The following KCNJ6 variants were observed in gnomAD, a reference collection of about 807,000 sequenced individuals.
The protein encoded by KCNJ6 is G protein-activated inward rectifier potassium channel 2.
In KCNJ6, 9 loss-of-function variants were observed where a neutral mutation model predicts 34.2. The observed-to-expected ratio is 0.26, with a 90% CI of 0.16 to 0.46. The LOEUF (loss-of-function observed/expected upper bound fraction) is 0.46. Ranked by LOEUF, KCNJ6 falls within the 20% of genes least tolerant of loss-of-function variation. The pLI is 1.00. For missense variants in KCNJ6, 236 were observed against 531.3 expected (o/e 0.44, Z 5.46); for synonymous variants, 196 against 207.1 (o/e 0.95, Z 0.46).
intron 1 of KCNJ6, among the ~76,000 whole-genome samples, chr21:37,843,070 C>T (rs554789428): frequency 1.3e-5 from 2 of 152,224 alleles, no homozygotes; most frequent in East Asian, 1.9e-4. Context: ...TGAGAACCCC[C>T]CAACGCCAAA....
At chr21:37,701,198 T>G (rs1029247236) in intron 3 of KCNJ6, among the ~76,000 whole-genome samples, 5 of 151,924 alleles carry the variant, frequency 3.3e-5, no homozygotes, top group African/African-American at 9.7e-5. Flanking sequence ...AGGAAGAGAT[T>G]GCCTGGGAAA....
chr21:37,840,518 A>G (rs1375338603), intron 2 of KCNJ6, 140 bp downstream of exon 2: 1 of 606,602 alleles, frequency 1.6e-6, no homozygotes, highest in African/African-American at 1.9e-5. Flanking sequence ...AACATGATGC[A>G]GTGTGTGTGA....
In KCNJ6 at chr21:37,867,585, C is replaced by A. The variant is rs2055629386; in HGVS notation, c.-27-26876G>T. Among the ~76,000 whole-genome samples the A allele has an allele frequency of 3.9e-5, 6 of 152,230 alleles. No homozygotes were observed. In the South Asian group the frequency reaches 1.2e-3, roughly 32 times the overall value. On this transcript the variant is annotated intron_variant, in intron 1 of 3. Coordinates refer to ENST00000609713, the MANE Select transcript of KCNJ6 (RefSeq NM_002240.5). ...TTACGTATTTGTACTTTATATCCTA[C>A]CTGCTTCCAAAAACAACAATTGAAA...
At chr21:37,876,323 T>G (rs1395765791) in intron 1 of KCNJ6, among the ~76,000 whole-genome samples, 3 of 152,170 alleles carry the variant, frequency 2.0e-5, no homozygotes, top group African/African-American at 7.2e-5. Context: ...TTAAGTAACT[T>G]GCCAAAAGTC....
At chr21:37,914,037 G>C (rs904700330) in intron 1 of KCNJ6, among the ~76,000 whole-genome samples, 1 of 151,326 alleles carries the variant, frequency 6.6e-6, no homozygotes, top group African/African-American at 2.4e-5. Flanking sequence ...GTGTGTGTGT[G>C]TGTGTGTGTG....
chr21:37,827,032 A>G (rs2055402402), intron 2 of KCNJ6, among the ~76,000 whole-genome samples: 1 of 152,210 alleles, frequency 6.6e-6, no homozygotes, highest in Non-Finnish European at 1.5e-5. Flanking sequence ...ATTATTGAAG[A>G]GTCAGGGCAC....
At chr21:37,732,072 A>G (rs1178700871) in intron 2 of KCNJ6, among the ~76,000 whole-genome samples, 1 of 152,222 alleles carries the variant, frequency 6.6e-6, no homozygotes, top group East Asian at 1.9e-4. Context: ...AACAAGCATG[A>G]CACCTAGTTT....
Position 37,766,635 on chromosome 21 carries a change from C to T in KCNJ6, c.26-51504G>A, listed in dbSNP as rs557724571. On this transcript the variant is annotated intron_variant, in intron 2 of 3. Coordinates refer to ENST00000609713, the MANE Select transcript of KCNJ6 (RefSeq NM_002240.5). ...CATGGTGGTGATTGGCTAAGGGTTC[C>T]AAAGGAAGGGAATGGATGGACTTTA... 5.8e-4 allele frequency among the ~76,000 whole-genome samples: 88 copies of T among 152,238 alleles called. 2 individuals are homozygous for T. The highest frequency in any genetic ancestry group is 8.5e-4 in the Admixed American group (13 of 15,300).
At position 37,616,601 on chromosome 21, in the gene KCNJ6, A is replaced by T. The variant is rs200122014; in HGVS notation, c.*8558T>A. 0.43 allele frequency: 51,268 copies of T among 119,100 alleles called. 15,369 individuals carry two copies. The highest frequency in any genetic ancestry group is 0.49 in the South Asian group (1,736 of 3,550). 7.4% of individuals were successfully genotyped at this position (119,100 alleles called of 1,614,324 possible). On this transcript the variant is annotated 3_prime_UTR_variant, in exon 4 of 4. Transcript: ENST00000609713. ...AGGAACAAAATGTACATATATATAT[A>T]TATATATATATATATGGTTAGACTC...
chr21:37,719,749 T>C (rs2054814457), intron 2 of KCNJ6, among the ~76,000 whole-genome samples: 1 of 152,186 alleles, frequency 6.6e-6, no homozygotes, highest in East Asian at 1.9e-4. Flanking sequence ...TAGCCTCATG[T>C]TGAAATTTAA....
intron 1 of KCNJ6, among the ~76,000 whole-genome samples, chr21:37,872,959 G>C (rs577618373): frequency 6.6e-6 from 1 of 152,138 alleles, no homozygotes; most frequent in African/African-American, 2.4e-5. Flanking sequence ...CACCATGATT[G>C]TAAGTTTCCT....
chr21:37,769,094 CA>C (rs1435905159), intron 2 of KCNJ6, among the ~76,000 whole-genome samples: 1 of 152,214 alleles, frequency 6.6e-6, no homozygotes, highest in Non-Finnish European at 1.5e-5. Context: ...TTCAGCTCTT[CA>C]GATGCTGCGC....
chr21:37,860,619 C>G (rs1214220193), intron 1 of KCNJ6, among the ~76,000 whole-genome samples: 2 of 152,206 alleles, frequency 1.3e-5, no homozygotes, highest in East Asian at 1.9e-4. Flanking sequence ...CATTTCCCAG[C>G]CTTCTCCCCA....
At chr21:37,660,801 CTTAA>C (rs2054484784) in intron 3 of KCNJ6, among the ~76,000 whole-genome samples, 1 of 152,234 alleles carries the variant, frequency 6.6e-6, no homozygotes, top group African/African-American at 2.4e-5. Context: ...CCCGTTTGGC[CTTAA>C]TTGACACCGC....
intron 1 of KCNJ6, among the ~76,000 whole-genome samples, chr21:37,847,972 G>T (rs1372375186): frequency 3.3e-5 from 5 of 152,196 alleles, no homozygotes; most frequent in Admixed American, 6.5e-5. Context: ...ATGAGGAAAG[G>T]TGGGGAAGCT....
At chr21:37,656,841 C>T (rs934227452) in intron 3 of KCNJ6, among the ~76,000 whole-genome samples, 1 of 152,192 alleles carries the variant, frequency 6.6e-6, no homozygotes, top group African/African-American at 2.4e-5. Flanking sequence ...CTTCTCTCTG[C>T]TGGAAGAGAC....
At chr21:37,797,508 C>T (rs889709736) in intron 2 of KCNJ6, among the ~76,000 whole-genome samples, 7 of 152,304 alleles carry the variant, frequency 4.6e-5, no homozygotes, top group East Asian at 1.9e-4. Context: ...TATCTTTATA[C>T]GGCTGTATTT....
At chr21:37,751,135 A>AT (rs1405304758) in intron 2 of KCNJ6, among the ~76,000 whole-genome samples, 1 of 152,156 alleles carries the variant, frequency 6.6e-6, no homozygotes, top group Non-Finnish European at 1.5e-5. Flanking sequence ...ACTGATTTTT[A>AT]TTTTTTTGCT....
At chr21:37,815,271 C>A (rs115444045) in intron 2 of KCNJ6, among the ~76,000 whole-genome samples, 3,396 of 152,216 alleles carry the variant, frequency 0.022, 130 homozygotes, top group African/African-American at 0.077. Flanking sequence ...AAGAGCATTG[C>A]TGGATTGTTG....
Sources: allele counts gnomAD v4.1 joint callset (sites outside exome capture counted in the v4.1 genomes callset), GRCh38; gene constraint gnomAD v4.1.1; transcripts MANE v1.5; gene names NCBI Gene and HGNC (gene_info 2026-07-23, HGNC 2026-07-21).